NTAQ1: variants seen among roughly 807,000 people sequenced by gnomAD.
NTAQ1 encodes N-terminal glutamine amidase 1, also known as protein N-terminal glutamine amidohydrolase.
Under a neutral mutation model 28.2 loss-of-function variants are expected in NTAQ1, and 21 were observed. The observed-to-expected ratio is 0.74, with a 90% CI of 0.53 to 1.07. NTAQ1 has a LOEUF of 1.07. Ranked by LOEUF, NTAQ1 falls within the 50% of genes least tolerant of loss-of-function variation. The pLI is 0.00. For synonymous variants in NTAQ1, 105 were observed against 90.0 expected (o/e 1.17, Z -0.94); for missense variants, 264 against 256.6 (o/e 1.03, Z -0.20).
At chr8:123,463,905 A>G (rs1427133666) in intron 6 of NTAQ1, among the ~76,000 whole-genome samples, 1 of 151,942 alleles carries the variant, frequency 6.6e-6, no homozygotes, top group Non-Finnish European at 1.5e-5. Context: ...ACCTGGTGGG[A>G]GGTAATTGAA....
intron 6 of NTAQ1, among the ~76,000 whole-genome samples, chr8:123,460,514 G>A (rs1436172191): frequency 2.0e-5 from 3 of 152,220 alleles, no homozygotes; most frequent in Non-Finnish European, 4.4e-5. Context: ...TTGCAGAGGT[G>A]AGAGCCAAGG....
rs760922187 is a variant in NTAQ1, at chr8:123,437,243, G to C, written c.417G>C (p.Leu139Phe). ...KFRVIRADSY[L>F]KNFASDRSHM... Reference sequence around the variant, plus strand: ...GAGTGATCCGTGCAGATTCATATTTGAAGAACTTTGCTTCTGACCGATCTC... The same window carrying C: ...GAGTGATCCGTGCAGATTCATATTTCAAGAACTTTGCTTCTGACCGATCTC... The change falls in exon 5 of 6, where the codon TTG becomes TTC. Residue 139 changes from leucine to phenylalanine, a missense_variant. Transcript: ENST00000287387. 7.4e-6 allele frequency: 12 copies of C among 1,613,996 alleles called. No homozygotes were observed. The highest frequency in any genetic ancestry group is 1.0e-5 in the Non-Finnish European group (12 of 1,180,008).
At chr8:123,454,635 A>G (rs912380063) in intron 6 of NTAQ1, among the ~76,000 whole-genome samples, 1 of 152,138 alleles carries the variant, frequency 6.6e-6, no homozygotes, top group Non-Finnish European at 1.5e-5. Context: ...ACTCACTTCT[A>G]GCCTTGGTGC....
At position 123,416,945 on chromosome 8, in the gene NTAQ1, G is replaced by A. The variant is rs1016016745; in HGVS notation, c.83+13G>A. On this transcript the variant is annotated intron_variant, in intron 1 of 5. Transcript: ENST00000287387. ...GCAGCTGCTACTGGTGAGGGGGCGCGGGCGCAGCCTCTGGGTCTCCCAGGC... is the reference window on the plus strand; with the variant it reads ...GCAGCTGCTACTGGTGAGGGGGCGCAGGCGCAGCCTCTGGGTCTCCCAGGC... 2.8e-5 allele frequency: 42 copies of A among 1,475,152 alleles called. 1 individual carries two copies. The Middle Eastern group carries it at 6.9e-4, about 24-fold the overall frequency. 91.4% of individuals were successfully genotyped at this position (1,475,152 alleles called of 1,614,324 possible).
At chr8:123,453,832 C>T (rs1257108811) in intron 6 of NTAQ1, among the ~76,000 whole-genome samples, 5 of 152,158 alleles carry the variant, frequency 3.3e-5, no homozygotes, top group Admixed American at 6.6e-5. Flanking sequence ...GAAACGTAGG[C>T]ACAGTAAAGT....
At chr8:123,427,345 C>G (rs987812144) in intron 1 of NTAQ1, among the ~76,000 whole-genome samples, 1 of 140,778 alleles carries the variant, frequency 7.1e-6, no homozygotes, top group African/African-American at 2.6e-5. Context: ...TTCTGTCTCT[C>G]AGGTTCGAGC....
intron 3 of NTAQ1, among the ~76,000 whole-genome samples, chr8:123,432,485 C>CA (rs1814455469): frequency 6.6e-6 from 1 of 151,638 alleles, no homozygotes; most frequent in African/African-American, 2.4e-5. Flanking sequence ...ATTAAAAATA[C>CA]AAAAATTAGC....
rs959142706 is a variant in NTAQ1, at chr8:123,468,817, A to G, written c.*1667A>G. The stretch of plus-strand genomic sequence containing the variant: ...TTTTCCATGGGCTCTACCATTTTAC[A>G]TTCCACAAACAGTGCACAAGTGTTT... On this transcript the variant is annotated 3_prime_UTR_variant, in exon 7 of 7. Transcript: ENST00000650311. Among the ~76,000 whole-genome samples the G allele has an allele frequency of 4.6e-5, 7 of 152,174 alleles. No individual in the cohort carries two copies. In the East Asian group the frequency reaches 1.3e-3, roughly 29 times the overall value.
At chr8:123,420,359 G>T (rs1813603581) in intron 1 of NTAQ1, among the ~76,000 whole-genome samples, 2 of 152,144 alleles carry the variant, frequency 1.3e-5, no homozygotes, top group South Asian at 4.1e-4. Flanking sequence ...TTGCTATCAT[G>T]AATAGTGCTG....
At chr8:123,419,621 G>A (rs901806427) in intron 1 of NTAQ1, among the ~76,000 whole-genome samples, 3 of 152,078 alleles carry the variant, frequency 2.0e-5, no homozygotes, top group African/African-American at 7.2e-5. Flanking sequence ...TGTGCCAGGG[G>A]TCCTCCCCAT....
In NTAQ1 at chr8:123,424,071, C is replaced by CTTTT. The variant is rs1481566301; in HGVS notation, c.84-3853_84-3852insTTTT. On this transcript the variant is annotated intron_variant, in intron 1 of 5. Transcript: ENST00000287387. ...CTGATTTTGTGTTTTTATTTTTATGCGTTTTTTTTTTTTTTTTTTGAGATG... is the reference window on the plus strand; with the variant it reads ...CTGATTTTGTGTTTTTATTTTTATGCTTTTGTTTTTTTTTTTTTTTTTTGAGATG... Among the ~76,000 whole-genome samples the CTTTT allele has an allele frequency of 2.4e-4, 11 of 45,990 alleles. 1 individual carries two copies. The highest frequency in any genetic ancestry group is 7.9e-4 in the African/African-American group (11 of 13,934). The allele number at this position is 45,990 out of a possible 152,430, so 30.2% of individuals were successfully genotyped here.
At chr8:123,455,261 T>A (rs900023939) in intron 6 of NTAQ1, among the ~76,000 whole-genome samples, 6 of 152,050 alleles carry the variant, frequency 3.9e-5, no homozygotes, top group African/African-American at 1.2e-4. Flanking sequence ...CCTGCCGCCA[T>A]GGCTGCTTGG....
downstream of NTAQ1, among the ~76,000 whole-genome samples, chr8:123,447,120 G>T (rs539853219): frequency 4.0e-4 from 59 of 145,778 alleles, no homozygotes; most frequent in African/African-American, 1.5e-3. Context: ...AGGTGTCCTT[G>T]TACTTTTTAA....
chr8:123,438,465 G>A (rs1814854899), intron 5 of NTAQ1, among the ~76,000 whole-genome samples: 1 of 152,110 alleles, frequency 6.6e-6, no homozygotes, highest in African/African-American at 2.4e-5. Context: ...AGACTAGCCT[G>A]ACCAATGTGG....
chr8:123,419,081 GTTTTTTTTTTTTTTTTTTTTT>G (rs762479894), intron 1 of NTAQ1, among the ~76,000 whole-genome samples: 3 of 119,920 alleles, frequency 2.5e-5, no homozygotes, highest in Non-Finnish European at 3.4e-5. Context: ...AGCTTTGGGG[GTTTTTTTTTTTTTTTTTTTTT>G]TTTTTTTTTT....
intron 6 of NTAQ1, among the ~76,000 whole-genome samples, chr8:123,447,421 C>A (rs570016819): frequency 2.1e-4 from 32 of 152,174 alleles, no homozygotes; most frequent in Admixed American, 4.6e-4. Flanking sequence ...AAGAATATAA[C>A]TGTCTAGAGA....
At chr8:123,437,702 C>CAAAAAAAAA (rs67334148) in intron 5 of NTAQ1, among the ~76,000 whole-genome samples, 1 of 137,166 alleles carries the variant, frequency 7.3e-6, no homozygotes. Flanking sequence ...GACTCCATCT[C>CAAAAAAAAA]AAAAAAAAAA....
intron 5 of NTAQ1, chr8:123,438,139 A>T (rs528579518): frequency 6.1e-4 from 429 of 701,674 alleles, no homozygotes; most frequent in Admixed American, 1.0e-3. Flanking sequence ...TTTAGGCATC[A>T]ATCCAGTTGA....
chr8:123,454,722 C>T (rs982554028), intron 6 of NTAQ1, among the ~76,000 whole-genome samples: 31 of 152,174 alleles, frequency 2.0e-4, no homozygotes, highest in African/African-American at 7.5e-4. Context: ...ACCCCAGTGT[C>T]ACCAGGTGGT....
Sources: gnomAD v4.1 joint callset for allele counts (sites outside exome capture counted in the v4.1 genomes callset) on GRCh38, gnomAD v4.1.1 for gene constraint, MANE v1.5 for transcripts, NCBI Gene and HGNC (gene_info 2026-07-23, HGNC 2026-07-21) for gene names.